KCP: variants seen among roughly 807,000 people sequenced by gnomAD.
KCP encodes the protein kielin/chordin-like protein.
In KCP, 194 loss-of-function variants were observed where a neutral mutation model predicts 212.7. That is an observed-to-expected ratio of 0.91 (90% confidence interval 0.81 to 1.03). The LOEUF (loss-of-function observed/expected upper bound fraction) is 1.03. KCP is among the 50% of genes least tolerant of loss of function. The pLI is 0.00. For missense variants in KCP, 2,080 were observed against 2,162.5 expected (o/e 0.96, Z 0.76); for synonymous variants, 833 against 865.3 (o/e 0.96, Z 0.65).
chr7:128,878,828 A>G, intron 37 of KCP, 106 bp from the exon 38 acceptor site: 1 of 1,165,768 alleles, frequency 8.6e-7, no homozygotes, highest in Non-Finnish European at 1.2e-6. Context: ...CCAGTGCTGT[A>G]GGGGAGGAGA....
intron 37 of KCP, 31 bp from the exon 38 acceptor site, chr7:128,878,753 G>A (rs1273289103): frequency 1.9e-6 from 3 of 1,538,616 alleles, no homozygotes; most frequent in Non-Finnish European, 2.6e-6. Context: ...CTGGGGAGCA[G>A]GGAAGGACAG....
Position 128,878,599 on chromosome 7 carries a change from G to A in KCP, c.4270C>T (p.Leu1424=), listed in dbSNP as rs1052848724. The A allele has an allele frequency of 5.2e-6, 8 of 1,551,314 alleles. No individual in the cohort carries two copies. In the African/African-American group the frequency reaches 8.2e-5, roughly 16 times the overall value. The part of the protein sequence containing the change: ...AQDDLQGPEG[L]LLPSEAAFGN... Reference sequence around the variant, plus strand: ...AACGCAGCCTCCGAGGGCAGGAGCAGCCCCTCAGGGCCCTGCAGATCGTCC... The same window carrying A: ...AACGCAGCCTCCGAGGGCAGGAGCAACCCCTCAGGGCCCTGCAGATCGTCC... Residue 1424 remains leucine, a synonymous_variant, in exon 38 of 40, where the codon CTG becomes TTG. Transcript: ENST00000610776.
Position 128,881,977 on chromosome 7 carries a change from T to C in KCP, c.3284A>G (p.Glu1095Gly), listed in dbSNP as rs1366395965. ...GTAGCAGGGGTCTGGTGGGGCTAGC[T>C]CAGATCCCAGCAGGCCCTCTGAACA... ...SNCSEGLLGSELAPPDPCYTC... is the reference protein window; with the variant it reads ...SNCSEGLLGSGLAPPDPCYTC... The change falls in exon 30 of 40, where the codon GAG becomes GGG. Residue 1095 changes from glutamate (E) to glycine (G), a missense_variant. By Grantham distance (98) the Glu-to-Gly change is moderately conservative. Coordinates refer to ENST00000610776, the MANE Select transcript of KCP (RefSeq NM_001366122.1). The C allele has an allele frequency of 6.4e-7, 1 of 1,551,064 alleles. No individual in the cohort carries two copies. The highest frequency in any genetic ancestry group is 1.4e-5 in the African/African-American group (1 of 73,020).
chr7:128,890,034 C>G, intron 21 of KCP: 1 of 379,022 alleles, frequency 2.6e-6, no homozygotes, highest in South Asian at 2.7e-5. Flanking sequence ...GCAATCCTCC[C>G]ACCTCAGCCT....
At position 128,888,968 on chromosome 7, in the gene KCP, A is replaced by C; in HGVS notation, c.2407T>G (p.Cys803Gly). The change falls in exon 22 of 40, where the codon TGT becomes GGT. Residue 803 changes from cysteine to glycine, a missense_variant. Physicochemically the swap from Cys to Gly is radical, Grantham distance 159 (BLOSUM62 -3). Transcript: ENST00000610776. ...FPDPREPCNLCTCLGGFVTCG... is the reference protein window; with the variant it reads ...FPDPREPCNLGTCLGGFVTCG... ...GTCACGAAGCCTCCAAGACAGGTAC[A>C]CAGGTTGCAGGGTTCTCGGGGGTCT... 5 of 1,546,410 alleles carry C rather than the reference A, an allele frequency of 3.2e-6. No individual in the cohort carries two copies. The highest frequency in any genetic ancestry group is 4.4e-6 in the Non-Finnish European group (5 of 1,144,774).
Position 128,888,991 on chromosome 7 carries a change from T to C in KCP, c.2384A>G (p.Asp795Gly). 1 of 1,537,402 alleles carries C rather than the reference T, an allele frequency of 6.5e-7. No homozygotes were observed. Among genetic ancestry groups the C allele is most frequent in the Non-Finnish European group, 8.8e-7 (1 of 1,139,030 alleles). Reference protein sequence around the residue: ...ESYLSNQEFPDPREPCNLCTC... With the variant: ...ESYLSNQEFPGPREPCNLCTC... ...ACACAGGTTGCAGGGTTCTCGGGGG[T>C]CTGGGAACTCCTGGTTACTCAGGTA... is the stretch of plus-strand genomic sequence containing the variant. Residue 795 changes from aspartate (D) to glycine (G), a missense_variant, in exon 22 of 40, where the codon GAC (aspartate) becomes GGC (glycine). Coordinates refer to ENST00000610776, the MANE Select transcript of KCP (RefSeq NM_001366122.1).
Position 128,880,400 on chromosome 7 carries a change from G to A in KCP, c.3745C>T (p.Leu1249Phe), listed in dbSNP as rs1255855054. The A allele has an allele frequency of 2.6e-6, 4 of 1,538,046 alleles. No homozygotes were observed. The Admixed American group carries it at 6.0e-5, about 23-fold the overall frequency. ...VRCQSQRCSP[L>F]SCGPDKAPAL... ...GCGGCACTCACGGGGCCACACGAGA[G>A]CGGTGAGCAGCGCTGGCTCTGGCAA... is the stretch of plus-strand genomic sequence containing the variant. Residue 1249 changes from leucine to phenylalanine, a missense_variant, in exon 34 of 40, where the codon CTC (leucine) becomes TTC (phenylalanine). Transcript: ENST00000610776.
At chr7:128,905,389 C>T (rs1795074339) in intron 5 of KCP, among the ~76,000 whole-genome samples, 1 of 152,164 alleles carries the variant, frequency 6.6e-6, no homozygotes, top group Admixed American at 6.5e-5. Flanking sequence ...GTAACACCCC[C>T]CTGCATAGCC....
intron 29 of KCP, among the ~76,000 whole-genome samples, chr7:128,882,225 T>A (rs1047410922): frequency 2.0e-5 from 3 of 152,134 alleles, no homozygotes; most frequent in African/African-American, 7.2e-5. Flanking sequence ...GCTAGGCTAT[T>A]ATTTGGGGCC....
chr7:128,884,510 T>C (rs758903901), intron 28 of KCP, among the ~76,000 whole-genome samples: 5 of 152,120 alleles, frequency 3.3e-5, no homozygotes, highest in Non-Finnish European at 7.4e-5. Context: ...ACGTCCCAGG[T>C]GGCTCTCCGG....
At chr7:128,910,101 G>C (rs1471519596) in intron 1 of KCP, among the ~76,000 whole-genome samples, 1 of 152,192 alleles carries the variant, frequency 6.6e-6, no homozygotes, top group Non-Finnish European at 1.5e-5. Context: ...GGTGAAGCTA[G>C]GGCCAGCCTC....
intron 1 of KCP, among the ~76,000 whole-genome samples, chr7:128,909,753 C>T (rs1382137477): frequency 2.0e-5 from 3 of 152,210 alleles, no homozygotes; most frequent in African/African-American, 7.2e-5. Context: ...GCCCACCTTT[C>T]CAGCCCCGCT....
Position 128,891,632 on chromosome 7 carries a change from C to G in KCP, c.1795+14G>C. 6.8e-7 allele frequency: 1 copy of G among 1,481,338 alleles called. No homozygotes were observed. The highest frequency in any genetic ancestry group is 9.0e-7 in the Non-Finnish European group (1 of 1,113,324). 91.8% of individuals were successfully genotyped at this position (1,481,338 alleles called of 1,614,324 possible). ...ATCCCATCCCAGAAGGCCGCCCTGA[C>G]CCGCCCACCTCACCGCTGCAGTCGT... On this transcript the variant is annotated intron_variant, in intron 17 of 39. Coordinates refer to ENST00000610776, the MANE Select transcript of KCP (RefSeq NM_001366122.1).
At chr7:128,888,555 T>C (rs1357347887) in intron 22 of KCP, among the ~76,000 whole-genome samples, 65 of 71,134 alleles carry the variant, frequency 9.1e-4, no homozygotes, top group South Asian at 4.3e-4. Context: ...CAGCAACACA[T>C]ACATACACAC....
At chr7:128,902,712 G>A (rs2128949895) in intron 8 of KCP, 65 bp downstream of exon 8, 1 of 1,397,546 alleles carries the variant, frequency 7.2e-7, no homozygotes, top group South Asian at 1.2e-5. Flanking sequence ...CATAGAATGA[G>A]CAAATGAATA....
intron 24 of KCP, 26 bp downstream of exon 24, chr7:128,886,850 G>T: frequency 6.9e-7 from 1 of 1,449,824 alleles, no homozygotes; most frequent in Non-Finnish European, 9.5e-7. Context: ...AGGGCATGGG[G>T]GCCGCGCATG....
intron 8 of KCP, among the ~76,000 whole-genome samples, chr7:128,900,184 T>C (rs1198187315): frequency 1.3e-5 from 2 of 152,226 alleles, no homozygotes; most frequent in Non-Finnish European, 1.5e-5. Context: ...TGCGGCACTT[T>C]ATACAAATAA....
intron 8 of KCP, among the ~76,000 whole-genome samples, chr7:128,895,019 C>T (rs1354984470): frequency 6.6e-6 from 1 of 152,210 alleles, no homozygotes; most frequent in African/African-American, 2.4e-5. Flanking sequence ...CCAGAGTTCA[C>T]TAGCAAATCA....
At chr7:128,888,295 AACAC>A (rs901317772) in intron 22 of KCP, among the ~76,000 whole-genome samples, 2 of 88,566 alleles carry the variant, frequency 2.3e-5, no homozygotes, top group South Asian at 3.9e-4. Flanking sequence ...CACACAGAGC[AACAC>A]ACACACACAG....
Sources: gnomAD v4.1 joint callset for allele counts (sites outside exome capture counted in the v4.1 genomes callset) on GRCh38, gnomAD v4.1.1 for gene constraint, MANE v1.5 for transcripts, NCBI Gene and HGNC (gene_info 2026-07-23, HGNC 2026-07-21) for gene names.